Variants in MKLN1 observed in about 807,000 individuals in gnomAD.
MKLN1 encodes the protein muskelin 1.
MKLN1 carries 18 observed loss-of-function variants against 99.0 expected under a neutral mutation model. That is an observed-to-expected ratio of 0.18 (90% CI 0.13 to 0.27). The LOEUF is 0.27. Among genes scored for constraint, MKLN1 ranks in the 10% least tolerant of loss-of-function variants. MKLN1 has a pLI of 1.00. For synonymous variants in MKLN1, 288 were observed against 293.2 expected, an observed-to-expected ratio of 0.98 and a Z score of 0.18; for missense variants, 621 against 875.9, an observed-to-expected ratio of 0.71 and a Z score of 3.67.
chr7:131,218,269 C>T (rs780892668), intron 3 of MKLN1, among the ~76,000 whole-genome samples: 5 of 152,164 alleles, frequency 3.3e-5, no homozygotes, highest in Non-Finnish European at 5.9e-5. Context: ...TTACCATTCG[C>T]TACATGACTC....
chr7:131,206,530 G>GTGTAATCATTATTAT (rs754090884), intron 3 of MKLN1, among the ~76,000 whole-genome samples: 1 of 144,754 alleles, frequency 6.9e-6, no homozygotes, highest in African/African-American at 2.6e-5. Context: ...GTATGTATGT[G>GTGTAATCATTATTAT]TATAATTATT....
chr7:131,283,019 G>A (rs1406346993), intron 3 of MKLN1, among the ~76,000 whole-genome samples: 1 of 152,204 alleles, frequency 6.6e-6, no homozygotes, highest in Non-Finnish European at 1.5e-5. Context: ...TAGTAAGGGA[G>A]GGGAATTGGG....
intron 2 of MKLN1, among the ~76,000 whole-genome samples, chr7:131,379,748 TA>T (rs947914179): frequency 3.9e-5 from 6 of 152,182 alleles, no homozygotes; most frequent in Non-Finnish European, 5.9e-5. Context: ...TGTTTGAGGT[TA>T]GGGGTACCCC....
chr7:131,380,838 T>C (rs1289974019), intron 2 of MKLN1, among the ~76,000 whole-genome samples: 1 of 152,198 alleles, frequency 6.6e-6, no homozygotes, highest in Non-Finnish European at 1.5e-5. Flanking sequence ...GCCCTTAAAC[T>C]ATGGCAAGTA....
intron 1 of MKLN1, among the ~76,000 whole-genome samples, chr7:131,124,746 C>T (rs1471403815): frequency 1.3e-5 from 2 of 152,202 alleles, no homozygotes. Flanking sequence ...CCCCAGCCTA[C>T]TTTACCATGA....
chr7:131,281,616 A>C (rs1161014962), intron 3 of MKLN1, among the ~76,000 whole-genome samples: 1 of 151,682 alleles, frequency 6.6e-6, no homozygotes, highest in Non-Finnish European at 1.5e-5. Flanking sequence ...ATTTTTCAGG[A>C]TTATTCATTG....
chr7:131,339,472 A>T lies in MKLN1; in HGVS notation c.98+11475A>T, dbSNP rs183910985. On this transcript the variant is annotated intron_variant, in intron 1 of 17. Coordinates refer to ENST00000352689, the MANE Select transcript of MKLN1 (RefSeq NM_013255.5). The stretch of plus-strand genomic sequence containing the variant: ...GTAATCCCAGCACTTTGGGAGGCCG[A>T]GGTGGGTGGATCACTTGAGGTCAGG... Among the ~76,000 whole-genome samples, 18 of 152,278 alleles carry T rather than the reference A, an allele frequency of 1.2e-4. No homozygotes were observed. The East Asian group carries it at 3.3e-3, about 28-fold the overall frequency.
intron 3 of MKLN1, among the ~76,000 whole-genome samples, chr7:131,224,773 C>A (rs1013208415): frequency 6.6e-6 from 1 of 151,524 alleles, no homozygotes; most frequent in African/African-American, 2.4e-5. Flanking sequence ...TAACAGGCTC[C>A]TTGAAATACT....
intron 1 of MKLN1, among the ~76,000 whole-genome samples, chr7:131,337,530 G>A (rs1799283964): frequency 6.6e-6 from 1 of 151,548 alleles, no homozygotes; most frequent in Non-Finnish European, 1.5e-5. Context: ...GTATTTTTTA[G>A]TTTTAGAATT....
intron 3 of MKLN1, among the ~76,000 whole-genome samples, chr7:131,314,710 C>T (rs1798631922): frequency 6.6e-6 from 1 of 152,068 alleles, no homozygotes; most frequent in African/African-American, 2.4e-5. Flanking sequence ...GCTTGAGCCA[C>T]CGCGCCCAGC....
chr7:131,309,069 A>G lies in MKLN1; in HGVS notation c.-178-66355A>G, dbSNP rs146389373. 6.6e-5 allele frequency among the ~76,000 whole-genome samples: 10 copies of G among 152,358 alleles called. No individual in the cohort carries two copies. In the East Asian group the frequency reaches 1.9e-3, roughly 29 times the overall value. ...TTTCTATAAGGTTCAATATGTCTCA[A>G]TCTTCGAATTGCAAGGGAACTAGAC... On this transcript the variant is annotated intron_variant, in intron 3 of 7. Coordinates refer to the MKLN1 transcript ENST00000416992.
chr7:131,188,021 T>C (rs1461897276), intron 2 of MKLN1, among the ~76,000 whole-genome samples: 1 of 151,452 alleles, frequency 6.6e-6, no homozygotes, highest in African/African-American at 2.4e-5. Context: ...TCTAATCTGA[T>C]AAATAACAAC....
intron 2 of MKLN1, among the ~76,000 whole-genome samples, chr7:131,182,321 G>C (rs1354297844): frequency 6.6e-6 from 1 of 152,218 alleles, no homozygotes; most frequent in African/African-American, 2.4e-5. Flanking sequence ...TACTGGAATT[G>C]AAAAGCTTCA....
intron 1 of MKLN1, among the ~76,000 whole-genome samples, chr7:131,332,302 T>G (rs1799100098): frequency 6.7e-6 from 1 of 148,742 alleles, no homozygotes; most frequent in South Asian, 2.1e-4. Flanking sequence ...TATATATTTT[T>G]ATTACATAAA....
At chr7:131,440,866 A>G (rs1795817884) in intron 10 of MKLN1, among the ~76,000 whole-genome samples, 1 of 152,174 alleles carries the variant, frequency 6.6e-6, no homozygotes, top group Non-Finnish European at 1.5e-5. Flanking sequence ...AGTTGACCCA[A>G]ATACTTAACT....
intron 3 of MKLN1, among the ~76,000 whole-genome samples, chr7:131,297,126 G>A (rs912202339): frequency 2.0e-5 from 3 of 152,120 alleles, no homozygotes; most frequent in Non-Finnish European, 2.9e-5. Flanking sequence ...GCCAAGGAGG[G>A]CAGATCACGA....
intron 3 of MKLN1, among the ~76,000 whole-genome samples, chr7:131,236,477 A>C (rs1427654243): frequency 6.6e-6 from 1 of 152,170 alleles, no homozygotes; most frequent in Non-Finnish European, 1.5e-5. Flanking sequence ...CCTGTCCAAC[A>C]TGGTGAAACC....
At chr7:131,134,769 T>A (rs1795622769) in intron 1 of MKLN1, among the ~76,000 whole-genome samples, 1 of 152,198 alleles carries the variant, frequency 6.6e-6, no homozygotes, top group Non-Finnish European at 1.5e-5. Context: ...ATTACAGTAG[T>A]CTTCTAATTG....
chr7:131,379,204 T>G (rs1793764496), intron 2 of MKLN1, among the ~76,000 whole-genome samples: 2 of 152,190 alleles, frequency 1.3e-5, no homozygotes, highest in South Asian at 4.1e-4. Context: ...CTGAAAATAG[T>G]TACCTTTATT....
Sources: gnomAD v4.1 joint callset for allele counts (sites outside exome capture counted in the v4.1 genomes callset) on GRCh38, gnomAD v4.1.1 for gene constraint, MANE v1.5 for transcripts, NCBI Gene and HGNC (gene_info 2026-07-23, HGNC 2026-07-21) for gene names.